TENM3: variants seen among roughly 807,000 people sequenced by gnomAD.
TENM3 encodes teneurin-3.
A neutral mutation model predicts 255.1 loss-of-function variants in TENM3; 63 were observed. That is an observed-to-expected ratio of 0.25 (90% CI 0.20 to 0.30). TENM3 has a LOEUF of 0.30. Among genes scored for constraint, TENM3 ranks in the 10% least tolerant of loss-of-function variants. The probability of loss-of-function intolerance (pLI) is 1.00; values close to 1 mark genes in which losing one functional copy is unlikely to be tolerated. For synonymous variants in TENM3, 1,306 were observed against 1,322.3 expected, an observed-to-expected ratio of 0.99 and a Z score of 0.27; for missense variants, 2,929 against 3,461.1, an observed-to-expected ratio of 0.85 and a Z score of 3.86.
chr4:181,631,574 G>A, the TENM3 span, among the ~76,000 whole-genome samples: 1 of 152,162 alleles, frequency 6.6e-6, no homozygotes, highest in Admixed American at 6.5e-5. Flanking sequence ...ACAGGCATGA[G>A]CCACTGTGCC....
At chr4:182,212,039 A>G (rs1755077100) in intron 1 of TENM3, among the ~76,000 whole-genome samples, 1 of 152,236 alleles carries the variant, frequency 6.6e-6, no homozygotes, top group Non-Finnish European at 1.5e-5. Flanking sequence ...TAAAATGTAC[A>G]ATTAGCAAAA....
chr4:181,658,373 A>G, the TENM3 span, among the ~76,000 whole-genome samples: 9 of 152,192 alleles, frequency 5.9e-5, no homozygotes, highest in Admixed American at 2.0e-4. Flanking sequence ...ATAACCGTCC[A>G]TATATTTGAG....
the TENM3 span, among the ~76,000 whole-genome samples, chr4:181,809,528 C>G: frequency 6.6e-6 from 1 of 152,130 alleles, no homozygotes; most frequent in Non-Finnish European, 1.5e-5. Context: ...ATCCCTGATT[C>G]AACTTCATTA....
At chr4:182,741,570 G>A (rs1390736937) in intron 18 of TENM3, among the ~76,000 whole-genome samples, 1 of 152,170 alleles carries the variant, frequency 6.6e-6, no homozygotes, top group Non-Finnish European at 1.5e-5. Context: ...GGATTCTTCT[G>A]ATGAAAATTA....
chr4:182,418,668 C>G (rs959728794), intron 3 of TENM3, among the ~76,000 whole-genome samples: 3 of 152,164 alleles, frequency 2.0e-5, no homozygotes, highest in Admixed American at 6.6e-5. Context: ...CTCATGTGAT[C>G]CTCCCACCTC....
intron 3 of TENM3, among the ~76,000 whole-genome samples, chr4:182,526,183 T>C (rs1004777301): frequency 1.8e-4 from 28 of 152,026 alleles, no homozygotes; most frequent in African/African-American, 6.3e-4. Flanking sequence ...GGTTTCACAG[T>C]GTTAGCCAGG....
chr4:181,455,045 G>A, the TENM3 span, among the ~76,000 whole-genome samples: 1 of 152,036 alleles, frequency 6.6e-6, no homozygotes, highest in Non-Finnish European at 1.5e-5. Flanking sequence ...TAACCTTATT[G>A]AATAAATCTT....
At chr4:182,748,720 G>A (rs1402151514) in intron 19 of TENM3, among the ~76,000 whole-genome samples, 2 of 152,106 alleles carry the variant, frequency 1.3e-5, no homozygotes, top group Non-Finnish European at 2.9e-5. Flanking sequence ...CCTAGCCTGC[G>A]CTGCTGGGAA....
At position 182,800,453 on chromosome 4, in the gene TENM3, G is replaced by A. The variant is rs1267283133; in HGVS notation, c.*102G>A. The A allele has an allele frequency of 9.5e-6, 13 of 1,364,216 alleles. No homozygotes were observed. The highest frequency in any genetic ancestry group is 1.3e-5 in the Non-Finnish European group (13 of 1,032,438). 84.5% of individuals were successfully genotyped at this position (1,364,216 alleles called of 1,614,324 possible). ...ACGCCCAAGAGCCTTCCTCCCGGGG[G>A]AATGAGACTGCTGTTACGACCCACA... On this transcript the variant is annotated 3_prime_UTR_variant, in exon 28 of 28. Coordinates refer to ENST00000511685, the MANE Select transcript of TENM3 (RefSeq NM_001080477.4).
chr4:181,721,276 G>T, the TENM3 span, among the ~76,000 whole-genome samples: 1 of 151,658 alleles, frequency 6.6e-6, no homozygotes, highest in Admixed American at 6.6e-5. Context: ...ATGGCCTGAA[G>T]TTCAACCCTT....
At chr4:182,356,392 C>G (rs551033322) in intron 3 of TENM3, among the ~76,000 whole-genome samples, 1 of 152,212 alleles carries the variant, frequency 6.6e-6, no homozygotes, top group South Asian at 2.1e-4. Context: ...GAAGTCAAAT[C>G]GTGGTAGTTC....
the TENM3 span, among the ~76,000 whole-genome samples, chr4:181,928,522 GGGACTAC>G: frequency 4.0e-5 from 6 of 151,822 alleles, no homozygotes; most frequent in Admixed American, 1.3e-4. Flanking sequence ...CAAGAAATAT[GGGACTAC>G]GTGAAAAGAC....
chr4:182,245,925 A>G (rs926331438), intron 1 of TENM3, among the ~76,000 whole-genome samples: 2 of 152,176 alleles, frequency 1.3e-5, no homozygotes, highest in African/African-American at 4.8e-5. Flanking sequence ...TCTGATTTAT[A>G]TTTGATACCG....
At chr4:182,295,563 C>T (rs1412261253) in intron 1 of TENM3, among the ~76,000 whole-genome samples, 2 of 151,872 alleles carry the variant, frequency 1.3e-5, no homozygotes, top group Admixed American at 6.6e-5. Flanking sequence ...GCCACTGTGC[C>T]GGATGGTATA....
the TENM3 span, among the ~76,000 whole-genome samples, chr4:181,583,932 C>T: frequency 6.6e-6 from 1 of 152,194 alleles, no homozygotes; most frequent in African/African-American, 2.4e-5. Context: ...AGATCAATTT[C>T]TCTTGTTACA....
rs544698005 is a variant in TENM3 at position 182,307,691 on chromosome 4, A to G, written c.-75-16255A>G. 7.2e-5 allele frequency among the ~76,000 whole-genome samples: 11 copies of G among 152,366 alleles called. No individual in the cohort carries two copies. In the South Asian group the frequency reaches 1.0e-3, roughly 14 times the overall value. ...ATTAGATCATATTTTCTCAACAGTG[A>G]CGACTGCATTTTAGCAATGCCTCCC... On this transcript the variant is annotated intron_variant, in intron 1 of 27. Transcript: ENST00000511685.
the TENM3 span, among the ~76,000 whole-genome samples, chr4:181,788,195 A>T: frequency 6.6e-6 from 1 of 152,116 alleles, no homozygotes; most frequent in Admixed American, 6.5e-5. Flanking sequence ...CTTAGATCTA[A>T]ATCTGAATCT....
intron 22 of TENM3, among the ~76,000 whole-genome samples, chr4:182,773,135 A>C (rs1764398753): frequency 6.6e-6 from 1 of 152,224 alleles, no homozygotes; most frequent in Admixed American, 6.5e-5. Flanking sequence ...TTTGTAGAAA[A>C]TATGAAGGAA....
At chr4:182,312,560 T>C (rs571106661) in intron 1 of TENM3, among the ~76,000 whole-genome samples, 1 of 152,318 alleles carries the variant, frequency 6.6e-6, no homozygotes, top group South Asian at 2.1e-4. Context: ...GCCATTCGGA[T>C]ACCACAGTAT....
Sources: allele counts gnomAD v4.1 joint callset (sites outside exome capture counted in the v4.1 genomes callset), GRCh38; gene constraint gnomAD v4.1.1; transcripts MANE v1.5; gene names NCBI Gene and HGNC (gene_info 2026-07-23, HGNC 2026-07-21).